Variants in FOXK2 observed in about 807,000 individuals in gnomAD.
The protein encoded by FOXK2 is forkhead box K2, also known as forkhead box protein K2.
FOXK2 carries 24 observed loss-of-function variants against 53.3 expected under a neutral mutation model. That is an observed-to-expected ratio of 0.45 (90% confidence interval 0.33 to 0.63). The LOEUF (loss-of-function observed/expected upper bound fraction) is 0.63, where lower values mean the gene tolerates loss of function less well. Among genes scored for constraint, FOXK2 ranks in the 30% least tolerant of loss-of-function variants. The pLI, the probability that FOXK2 is intolerant of heterozygous loss-of-function variation, is 0.03. For missense variants in FOXK2, 952 were observed against 910.5 expected, an observed-to-expected ratio of 1.05 and a Z score of -0.59; for synonymous variants, 505 against 407.1, an observed-to-expected ratio of 1.24 and a Z score of -2.89.
intron 1 of FOXK2, among the ~76,000 whole-genome samples, chr17:82,534,026 G>A (rs918016504): frequency 5.3e-5 from 8 of 151,746 alleles, no homozygotes; most frequent in African/African-American, 7.3e-5. Flanking sequence ...TAAGATAGCC[G>A]GGCATGGTGG....
intron 8 of FOXK2, among the ~76,000 whole-genome samples, chr17:82,595,355 G>T (rs1282391681): frequency 6.6e-6 from 1 of 152,172 alleles, no homozygotes; most frequent in Non-Finnish European, 1.5e-5. Flanking sequence ...AGACTGGAGT[G>T]CAGTGGCGTG....
rs555615212 is a variant in FOXK2 at position 82,547,012 on chromosome 17, G to A, written c.420-16342G>A. Among the ~76,000 whole-genome samples, 23 of 151,350 alleles carry A rather than the reference G, an allele frequency of 1.5e-4. No homozygotes were observed. In the South Asian group the frequency reaches 4.8e-3, roughly 32 times the overall value. The stretch of plus-strand genomic sequence containing the variant: ...GAATCACTTGAACCCGGGAGGTGGA[G>A]GTCACAGTGAGCCGAGATGGCACCA... On this transcript the variant is annotated intron_variant, in intron 1 of 8. Coordinates refer to ENST00000335255, the MANE Select transcript of FOXK2 (RefSeq NM_004514.4).
At chr17:82,560,582 C>T (rs2044783203) in intron 1 of FOXK2, among the ~76,000 whole-genome samples, 1 of 152,184 alleles carries the variant, frequency 6.6e-6, no homozygotes, top group Non-Finnish European at 1.5e-5. Context: ...CCTTTGTTTC[C>T]ATTGGTTTCG....
At chr17:82,585,811 A>C in intron 6 of FOXK2, 93 bp from the exon 7 acceptor site, 1 of 1,280,988 alleles carries the variant, frequency 7.8e-7, no homozygotes, top group Non-Finnish European at 1.1e-6. Flanking sequence ...TTTAAATTAA[A>C]GTTTGTATGT....
chr17:82,575,493 TG>T (rs1269581171), intron 4 of FOXK2, among the ~76,000 whole-genome samples: 1 of 152,206 alleles, frequency 6.6e-6, no homozygotes, highest in Non-Finnish European at 1.5e-5. Flanking sequence ...TGGATAAGCA[TG>T]GAAGTCCCAA....
chr17:82,586,090 C>T lies in FOXK2; in HGVS notation c.1466C>T (p.Ala489Val), dbSNP rs532790648. 1.9e-6 allele frequency: 3 copies of T among 1,612,766 alleles called. No homozygotes were observed. The highest frequency in any genetic ancestry group is 1.1e-5 in the South Asian group (1 of 91,070). ...TCGGTCACCAGTGTGGCCGGACTGG[C>T]CCCAGCGAACACGTACACTGTCTCT... Reference protein sequence around the residue: ...AVSVTSVAGLAPANTYTVSGQ... With the variant: ...AVSVTSVAGLVPANTYTVSGQ... Residue 489 changes from alanine (A) to valine (V), a missense_variant, in exon 7 of 9, where the codon GCC (alanine) becomes GTC (valine). Physicochemically the swap from Ala to Val is moderately conservative, Grantham distance 64 (BLOSUM62 0). This residue lies in a region of FOXK2 where 551 missense variants were observed against 385.1 expected (regional missense o/e 1.43). Coordinates refer to ENST00000335255, the MANE Select transcript of FOXK2 (RefSeq NM_004514.4).
At chr17:82,565,110 G>A (rs574952813) in intron 2 of FOXK2, among the ~76,000 whole-genome samples, 3 of 152,152 alleles carry the variant, frequency 2.0e-5, no homozygotes, top group East Asian at 1.9e-4. Flanking sequence ...CCAGGTAAAC[G>A]GTATGTCCAC....
rs529391088 is a variant in FOXK2, at chr17:82,571,557, C to T, written c.763-167C>T. 5.7e-4 allele frequency among the ~76,000 whole-genome samples: 86 copies of T among 151,996 alleles called. No homozygotes were observed. The South Asian group carries it at 0.016, about 29-fold the overall frequency. On this transcript the variant is annotated intron_variant, in intron 3 of 8. Coordinates refer to ENST00000335255, the MANE Select transcript of FOXK2 (RefSeq NM_004514.4). Reference sequence around the variant, plus strand: ...CGGAGACTGCAGTGAGCCAAGATCGCGTCACTGTACTCCAGCCTGGGCGAC... The same window carrying T: ...CGGAGACTGCAGTGAGCCAAGATCGTGTCACTGTACTCCAGCCTGGGCGAC...
At chr17:82,562,638 T>C (rs920077966) in intron 1 of FOXK2, among the ~76,000 whole-genome samples, 1 of 152,102 alleles carries the variant, frequency 6.6e-6, no homozygotes, top group Admixed American at 6.6e-5. Context: ...CACAAAGTTA[T>C]TGCTTTGTGA....
intron 1 of FOXK2, among the ~76,000 whole-genome samples, chr17:82,546,842 C>T (rs910907880): frequency 2.0e-5 from 3 of 151,904 alleles, no homozygotes; most frequent in Non-Finnish European, 4.4e-5. Flanking sequence ...TTTGGGAGGC[C>T]GAGGCAGATG....
intron 8 of FOXK2, among the ~76,000 whole-genome samples, chr17:82,590,956 C>T (rs1424730844): frequency 6.6e-6 from 1 of 152,220 alleles, no homozygotes; most frequent in Non-Finnish European, 1.5e-5. Flanking sequence ...GTTCCATCCT[C>T]ACCCTGGCCC....
At chr17:82,523,548 T>C (rs2044388162) in intron 1 of FOXK2, among the ~76,000 whole-genome samples, 1 of 151,480 alleles carries the variant, frequency 6.6e-6, no homozygotes, top group East Asian at 1.9e-4. Context: ...TCTCGGCTCA[T>C]TGCAACCTCC....
chr17:82,584,134 G>A lies in FOXK2; in HGVS notation c.1225G>A (p.Ala409Thr). 2 of 1,610,358 alleles carry A rather than the reference G, an allele frequency of 1.2e-6. No individual in the cohort carries two copies. The highest frequency in any genetic ancestry group is 1.7e-4 in the Middle Eastern group (1 of 6,024). The change falls in exon 6 of 9, where the codon GCA becomes ACA. Residue 409 changes from alanine (A) to threonine (T), a missense_variant. Physicochemically the swap from Ala to Thr is moderately conservative, Grantham distance 58 (BLOSUM62 0). Coordinates refer to ENST00000335255, the MANE Select transcript of FOXK2 (RefSeq NM_004514.4). ...PAPLEPEPGA[A>T]QPKLAVIQEA... ...CCCCCTGGAGCCTGAGCCTGGCGCT[G>A]CACAGCCCAAACTCGCTGTCATCCA...
At chr17:82,580,916 T>C (rs1487515692) in intron 4 of FOXK2, among the ~76,000 whole-genome samples, 882 of 98,712 alleles carry the variant, frequency 8.9e-3, no homozygotes, top group Middle Eastern at 0.066. Flanking sequence ...ACACATGGCC[T>C]AGCCCTCCTC....
intron 4 of FOXK2, chr17:82,576,910 A>G: frequency 2.3e-6 from 1 of 432,020 alleles, no homozygotes. Flanking sequence ...CTGTAATCCC[A>G]GCACTTTGGG....
rs182575064 is a variant in FOXK2 at position 82,557,454 on chromosome 17, G to A, written c.420-5900G>A. 1.8e-3 allele frequency among the ~76,000 whole-genome samples: 259 copies of A among 144,962 alleles called. 2 individuals are homozygous for A. The highest frequency in any genetic ancestry group is 6.2e-3 in the African/African-American group (243 of 39,050). ...CGCTCCCCAGGTTCAAGCGATTCTC[G>A]TGCCTCAGCCTCCCAAGTAGCTGGG... is the stretch of plus-strand genomic sequence containing the variant. On this transcript the variant is annotated intron_variant, in intron 1 of 8. Transcript: ENST00000335255.
At chr17:82,577,440 A>G (rs1348344476) in intron 4 of FOXK2, 3 of 388,984 alleles carry the variant, frequency 7.7e-6, no homozygotes, top group African/African-American at 4.3e-5. Context: ...CCCAACCTGC[A>G]TGCAGGGCGT....
chr17:82,520,165 G>A lies in FOXK2; in HGVS notation c.277G>A (p.Gly93Arg), dbSNP rs1442769774. The change falls in exon 1 of 9, where the codon GGG (glycine) becomes AGG (arginine). Residue 93 changes from glycine (G) to arginine (R), a missense_variant. Coordinates refer to ENST00000335255, the MANE Select transcript of FOXK2 (RefSeq NM_004514.4). ...GCCCCCGGGCGGCGGCGGCCATGGCGGGGCCGCTCCGGAGCTGCCGCCCGC... is the reference window on the plus strand; with the variant it reads ...GCCCCCGGGCGGCGGCGGCCATGGCAGGGCCGCTCCGGAGCTGCCGCCCGC... The part of the protein sequence containing the change: ...FTPPGGGGHG[G>R]AAPELPPAQP... The A allele has an allele frequency of 6.7e-7, 1 of 1,501,268 alleles. No individual in the cohort carries two copies. The allele number at this position is 1,501,268 out of a possible 1,614,324, so 93.0% of individuals were successfully genotyped here. A position where few individuals can be genotyped will look rare whatever the true frequency, so the allele number is the denominator to read the frequency against.
chr17:82,549,395 C>G (rs1166096377), intron 1 of FOXK2, among the ~76,000 whole-genome samples: 1 of 150,590 alleles, frequency 6.6e-6, no homozygotes. Context: ...AGAGGGGGGC[C>G]AAACCCCCAA....
Sources: gnomAD v4.1 joint callset for allele counts (sites outside exome capture counted in the v4.1 genomes callset) on GRCh38, gnomAD v4.1.1 for gene constraint, gnomAD v4.1.1 regional missense constraint, MANE v1.5 for transcripts, NCBI Gene and HGNC (gene_info 2026-07-23, HGNC 2026-07-21) for gene names.